The following TEX26 variants were observed in gnomAD, a reference collection of about 807,000 sequenced individuals.
TEX26 encodes testis-expressed protein 26.
TEX26 carries 34 observed loss-of-function variants against 35.3 expected under a neutral mutation model. The ratio of observed to expected loss-of-function variants is 0.96; its 90% confidence interval spans 0.73 to 1.28. The LOEUF (loss-of-function observed/expected upper bound fraction) is 1.28, where lower values mean the gene tolerates loss of function less well. Among genes scored for constraint, TEX26 ranks in the 50% most tolerant of loss-of-function variants. The probability of loss-of-function intolerance (pLI) is 0.00; values close to 1 mark genes in which losing one functional copy is unlikely to be tolerated. For synonymous variants in TEX26, 136 were observed against 111.8 expected (o/e 1.22, Z -1.36); for missense variants, 371 against 330.1 (o/e 1.12, Z -0.96).
intron 2 of TEX26, among the ~76,000 whole-genome samples, chr13:30,942,919 A>G (rs1466137661): frequency 2.6e-5 from 4 of 151,900 alleles, no homozygotes; most frequent in Admixed American, 2.6e-4. Flanking sequence ...AAGTCTAGTA[A>G]TGTGATGCCT....
Position 30,939,725 on chromosome 13 carries a change from C to G in TEX26, c.93C>G (p.Thr31=). ...ACCCCAACTGGGATTCCTATGCTAC[C>G]ACTATGAGGACTGCATTCACGCCTA... ...TDDPNWDSYA[T]TMRTAFTPKT... Residue 31 remains threonine, a synonymous_variant, in exon 2 of 7, where the codon ACC becomes ACG. Coordinates refer to ENST00000380473, the MANE Select transcript of TEX26 (RefSeq NM_152325.3). 1 of 1,614,032 alleles carries G rather than the reference C, an allele frequency of 6.2e-7. No individual in the cohort carries two copies. The highest frequency in any genetic ancestry group is 1.1e-5 in the South Asian group (1 of 91,068).
chr13:30,959,704 T>G, intron 4 of TEX26, among the ~76,000 whole-genome samples: 1 of 152,188 alleles, frequency 6.6e-6, no homozygotes, highest in Non-Finnish European at 1.5e-5. Context: ...TACCAAAATT[T>G]TTTCCAAACA....
At chr13:30,974,371 G>T (rs1351781416) in intron 6 of TEX26, among the ~76,000 whole-genome samples, 2 of 151,950 alleles carry the variant, frequency 1.3e-5, no homozygotes, top group Admixed American at 1.3e-4. Flanking sequence ...TATCATCACT[G>T]TTTATTACTA....
At chr13:30,955,010 C>T (rs139573541) in intron 3 of TEX26, among the ~76,000 whole-genome samples, 8 of 152,252 alleles carry the variant, frequency 5.3e-5, no homozygotes, top group Admixed American at 1.3e-4. Context: ...CAACTGCTAA[C>T]GTTACACAAG....
chr13:30,964,644 G>A (rs1954464486), intron 4 of TEX26, among the ~76,000 whole-genome samples: 1 of 152,206 alleles, frequency 6.6e-6, no homozygotes. Context: ...CAAAATATGT[G>A]AGACTGGGTA....
At chr13:30,952,954 G>C in intron 3 of TEX26, 129 bp downstream of exon 3, 1 of 789,484 alleles carries the variant, frequency 1.3e-6, no homozygotes, top group Admixed American at 3.5e-5. Context: ...GTTCTTTTTA[G>C]ACTATTTCCT....
chr13:30,975,232 T>C lies in TEX26; in HGVS notation c.*325T>C. On this transcript the variant is annotated 3_prime_UTR_variant, in exon 7 of 7. Transcript: ENST00000380473. The stretch of plus-strand genomic sequence containing the variant: ...ATTATGTGGAAGAGATTTCTTAATG[T>C]CCCATTAATCAGAGACTTAAGAAAT... 1 of 173,588 alleles carries C rather than the reference T, an allele frequency of 5.8e-6. No homozygotes were observed. The highest frequency in any genetic ancestry group is 1.9e-4 in the South Asian group (1 of 5,290). The allele number at this position is 173,588 out of a possible 1,614,324, so 10.8% of individuals were successfully genotyped here.
chr13:30,934,945 C>A (rs1172873865), intron 1 of TEX26, among the ~76,000 whole-genome samples: 1 of 152,226 alleles, frequency 6.6e-6, no homozygotes, highest in Non-Finnish European at 1.5e-5. Flanking sequence ...GAGCCAGGGA[C>A]AAGTGGGAGC....
chr13:30,961,322 G>A (rs556250627), intron 4 of TEX26, among the ~76,000 whole-genome samples: 1 of 152,326 alleles, frequency 6.6e-6, no homozygotes, highest in African/African-American at 2.4e-5. Context: ...GATCCGGGAA[G>A]CCACTTGGTA....
intron 3 of TEX26, 44 bp from the exon 4 acceptor site, chr13:30,956,829 T>C: frequency 6.4e-7 from 1 of 1,556,832 alleles, no homozygotes; most frequent in South Asian, 1.1e-5. Context: ...TCCTATTGGG[T>C]GAACCCATAT....
At chr13:30,936,150 A>G (rs569157750) in intron 1 of TEX26, among the ~76,000 whole-genome samples, 1 of 152,350 alleles carries the variant, frequency 6.6e-6, no homozygotes, top group South Asian at 2.1e-4. Flanking sequence ...ATATATCAAT[A>G]CCTTGAATCC....
At chr13:30,971,227 A>T (rs1246121435) in intron 6 of TEX26, among the ~76,000 whole-genome samples, 1 of 152,224 alleles carries the variant, frequency 6.6e-6, no homozygotes, top group Admixed American at 6.5e-5. Context: ...TGTGTCAGGC[A>T]TGGCACTGAT....
At chr13:30,932,872 T>TCTTAAATACTTAATACTTAA in intron 1 of TEX26, 96 bp downstream of exon 1, 3 of 1,377,700 alleles carry the variant, frequency 2.2e-6, no homozygotes, top group Non-Finnish European at 3.0e-6. Context: ...TATTTAAGGG[T>TCTTAAATACTTAATACTTAA]GTGGCATCGC....
At position 30,935,130 on chromosome 13, in the gene TEX26, C is replaced by T. The variant is rs188329219; in HGVS notation, c.61+2354C>T. On this transcript the variant is annotated intron_variant, in intron 1 of 6. Coordinates refer to ENST00000380473, the MANE Select transcript of TEX26 (RefSeq NM_152325.3). Reference sequence around the variant, plus strand: ...TATCTGATCCCACTGCCAGGCAATACCCCACCCACATCCCTGCAGGCTAAA... The same window carrying T: ...TATCTGATCCCACTGCCAGGCAATATCCCACCCACATCCCTGCAGGCTAAA... Among the ~76,000 whole-genome samples, 5 of 152,324 alleles carry T rather than the reference C, an allele frequency of 3.3e-5. No individual in the cohort carries two copies. In the East Asian group the frequency reaches 7.7e-4, roughly 24 times the overall value.
intron 2 of TEX26, among the ~76,000 whole-genome samples, chr13:30,942,047 A>T (rs1422374829): frequency 6.6e-6 from 1 of 152,214 alleles, no homozygotes. Flanking sequence ...TTGCTGGATC[A>T]AACGATAGAT....
intron 2 of TEX26, among the ~76,000 whole-genome samples, chr13:30,940,382 G>A (rs1421137330): frequency 7.8e-6 from 1 of 128,494 alleles, no homozygotes. Context: ...CGCCCAGGCT[G>A]GAGTGCAGTG....
intron 4 of TEX26, among the ~76,000 whole-genome samples, chr13:30,960,332 T>A (rs1428055294): frequency 6.6e-6 from 1 of 152,138 alleles, no homozygotes; most frequent in Non-Finnish European, 1.5e-5. Flanking sequence ...AGCCTCTGCC[T>A]CCCAGATTCA....
At chr13:30,945,553 G>C (rs569623398) in intron 2 of TEX26, among the ~76,000 whole-genome samples, 27 of 151,758 alleles carry the variant, frequency 1.8e-4, no homozygotes, top group African/African-American at 6.5e-4. Context: ...GTCCTTTCAA[G>C]AGGTTCTATT....
At chr13:30,944,870 CTA>C (rs1278792119) in intron 2 of TEX26, among the ~76,000 whole-genome samples, 1 of 151,890 alleles carries the variant, frequency 6.6e-6, no homozygotes, top group Non-Finnish European at 1.5e-5. Context: ...ATTGTATGGT[CTA>C]TATTGAAGAA....
Sources: gnomAD v4.1 joint callset for allele counts (sites outside exome capture counted in the v4.1 genomes callset) on GRCh38, gnomAD v4.1.1 for gene constraint, MANE v1.5 for transcripts, NCBI Gene and HGNC (gene_info 2026-07-23, HGNC 2026-07-21) for gene names.